Variants in NKAIN2 observed in about 807,000 individuals in gnomAD.
The protein encoded by NKAIN2 is sodium/potassium-transporting ATPase subunit beta-1-interacting protein 2.
Under a neutral mutation model 32.6 loss-of-function variants are expected in NKAIN2, and 14 were observed. The observed-to-expected ratio is 0.43, with a 90% CI of 0.28 to 0.67. The LOEUF is 0.67. NKAIN2 is among the 30% of genes least tolerant of loss of function. The pLI, the probability that NKAIN2 is intolerant of heterozygous loss-of-function variation, is 0.17. For missense variants in NKAIN2, 198 were observed against 258.3 expected (o/e 0.77, Z 1.60); for synonymous variants, 80 against 87.2 (o/e 0.92, Z 0.46).
intron 1 of NKAIN2, among the ~76,000 whole-genome samples, chr6:124,236,361 G>C (rs571357095): frequency 6.6e-6 from 1 of 152,198 alleles, no homozygotes; most frequent in South Asian, 2.1e-4. Flanking sequence ...CAGAGGTCAC[G>C]TGTGGGTCGG....
intron 2 of NKAIN2, among the ~76,000 whole-genome samples, chr6:124,343,873 T>A (rs1285200058): frequency 7.4e-6 from 1 of 135,982 alleles, no homozygotes; most frequent in East Asian, 2.4e-4. Flanking sequence ...TTGTTGCCAT[T>A]GCTTTTGGTG....
chr6:123,942,818 T>G (rs1179663316), intron 1 of NKAIN2, among the ~76,000 whole-genome samples: 1 of 152,042 alleles, frequency 6.6e-6, no homozygotes, highest in African/African-American at 2.4e-5. Context: ...TTCACAACAG[T>G]TGGCATCTGT....
At chr6:124,536,539 C>T (rs1337109953) in intron 3 of NKAIN2, among the ~76,000 whole-genome samples, 1 of 152,022 alleles carries the variant, frequency 6.6e-6, no homozygotes, top group African/African-American at 2.4e-5. Context: ...GCCTGAATTA[C>T]TTAAGTAATT....
intron 1 of NKAIN2, among the ~76,000 whole-genome samples, chr6:124,077,160 G>A (rs1235277117): frequency 3.3e-5 from 5 of 152,102 alleles, no homozygotes; most frequent in African/African-American, 4.8e-5. Context: ...TTACTGTTTT[G>A]TGCTGTAGCA....
intron 3 of NKAIN2, among the ~76,000 whole-genome samples, chr6:124,534,536 A>G (rs1156401337): frequency 6.6e-6 from 1 of 152,258 alleles, no homozygotes; most frequent in Non-Finnish European, 1.5e-5. Context: ...CTAAATGCAC[A>G]TGATACCAAA....
At chr6:123,967,207 T>C (rs553388066) in intron 1 of NKAIN2, among the ~76,000 whole-genome samples, 4 of 152,330 alleles carry the variant, frequency 2.6e-5, no homozygotes, top group African/African-American at 9.6e-5. Context: ...TAGCTCAGGC[T>C]TTATCAGAAA....
chr6:124,411,082 C>T (rs1299069946), intron 3 of NKAIN2, among the ~76,000 whole-genome samples: 21 of 150,614 alleles, frequency 1.4e-4, no homozygotes, highest in Admixed American at 4.0e-4. Context: ...TGTCTCTGCA[C>T]GTGAGATGGG....
At chr6:124,710,114 G>T (rs1277765400) in intron 4 of NKAIN2, among the ~76,000 whole-genome samples, 1 of 151,198 alleles carries the variant, frequency 6.6e-6, no homozygotes, top group Non-Finnish European at 1.5e-5. Context: ...GGAGCAGGTT[G>T]TTCAGTTTCC....
intron 1 of NKAIN2, among the ~76,000 whole-genome samples, chr6:124,046,330 G>A (rs1347127356): frequency 1.3e-5 from 2 of 151,848 alleles, no homozygotes; most frequent in Non-Finnish European, 2.9e-5. Context: ...TTCACATACC[G>A]TATTCCTGGA....
chr6:124,469,723 CA>C, intron 3 of NKAIN2, among the ~76,000 whole-genome samples: 1 of 152,242 alleles, frequency 6.6e-6, no homozygotes, highest in Non-Finnish European at 1.5e-5. Context: ...TGATCAGTTT[CA>C]CTGGGACAGT....
chr6:124,190,769 C>A (rs1789976594), intron 1 of NKAIN2, among the ~76,000 whole-genome samples: 1 of 152,106 alleles, frequency 6.6e-6, no homozygotes, highest in Non-Finnish European at 1.5e-5. Context: ...ATAGAGAGTT[C>A]ATTTCTGTCA....
At chr6:124,690,784 TCTC>T (rs1774218660) in intron 4 of NKAIN2, among the ~76,000 whole-genome samples, 1 of 152,206 alleles carries the variant, frequency 6.6e-6, no homozygotes, top group Non-Finnish European at 1.5e-5. Flanking sequence ...ATAGCAGCTT[TCTC>T]CTCAATTCAA....
chr6:124,641,529 G>GTTTTTTTTTTTTTTT (rs1562300001), intron 3 of NKAIN2, among the ~76,000 whole-genome samples: 1 of 23,832 alleles, frequency 4.2e-5, no homozygotes, highest in African/African-American at 1.1e-4. Context: ...TAAAACACTA[G>GTTTTTTTTTTTTTTT]CTTTTTTTTT....
At chr6:124,687,012 A>G (rs1773920762) in intron 4 of NKAIN2, among the ~76,000 whole-genome samples, 1 of 151,978 alleles carries the variant, frequency 6.6e-6, no homozygotes, top group Admixed American at 6.6e-5. Flanking sequence ...CCTGCCCTTG[A>G]ACATCAGACT....
At chr6:124,734,658 A>G (rs985581868) in intron 4 of NKAIN2, among the ~76,000 whole-genome samples, 27 of 152,008 alleles carry the variant, frequency 1.8e-4, no homozygotes, top group African/African-American at 6.3e-4. Flanking sequence ...GTGGAAAGAA[A>G]AGAGGGTTGG....
intron 1 of NKAIN2, among the ~76,000 whole-genome samples, chr6:124,204,526 A>G (rs1413318189): frequency 1.3e-5 from 2 of 151,872 alleles, no homozygotes; most frequent in African/African-American, 4.8e-5. Flanking sequence ...CACATTAAGT[A>G]TAAGACATAA....
intron 1 of NKAIN2, among the ~76,000 whole-genome samples, chr6:123,857,843 A>G (rs2114971478): frequency 6.6e-6 from 1 of 152,254 alleles, no homozygotes; most frequent in South Asian, 2.1e-4. Context: ...TAACCTCTCC[A>G]AAATGTAGTC....
intron 3 of NKAIN2, among the ~76,000 whole-genome samples, chr6:124,489,880 A>G (rs1397422536): frequency 1.3e-5 from 2 of 151,886 alleles, no homozygotes; most frequent in Admixed American, 1.3e-4. Flanking sequence ...CTTTCTCCAT[A>G]AGAAATAGTA....
Position 124,288,128 on chromosome 6 carries a change from A to C in NKAIN2, c.192+4986A>C, listed in dbSNP as rs527781437. On this transcript the variant is annotated intron_variant, in intron 2 of 6. Coordinates refer to ENST00000368417, the MANE Select transcript of NKAIN2 (RefSeq NM_001040214.3). ...TAATTTCTTGTTTCTTACCAATTCC[A>C]TCACTGATTCTCCTGTATATCTACC... Among the ~76,000 whole-genome samples the C allele has an allele frequency of 6.6e-5, 10 of 152,306 alleles. No homozygotes were observed. In the South Asian group the frequency reaches 1.4e-3, roughly 22 times the overall value.
Sources: gnomAD v4.1 joint callset for allele counts (sites outside exome capture counted in the v4.1 genomes callset) on GRCh38, gnomAD v4.1.1 for gene constraint, MANE v1.5 for transcripts, NCBI Gene and HGNC (gene_info 2026-07-23, HGNC 2026-07-21) for gene names.